Variants in HEATR5B observed in about 807,000 individuals in gnomAD.
HEATR5B encodes HEAT repeat containing 5B.
In HEATR5B, 156 loss-of-function variants were observed where a neutral mutation model predicts 224.1. The observed-to-expected ratio is 0.70, with a 90% CI of 0.61 to 0.80. The LOEUF (loss-of-function observed/expected upper bound fraction) is 0.80. Ranked by LOEUF, HEATR5B falls within the 30% of genes least tolerant of loss-of-function variation. HEATR5B has a pLI of 0.00. For missense variants in HEATR5B, 2,323 were observed against 2,535.5 expected (o/e 0.92, Z 1.80); for synonymous variants, 1,027 against 893.0 (o/e 1.15, Z -2.68).
chr2:37,044,215 A>G (rs1205772771), intron 18 of HEATR5B, among the ~76,000 whole-genome samples: 6 of 152,208 alleles, frequency 3.9e-5, no homozygotes, highest in African/African-American at 1.2e-4. Flanking sequence ...CATATTGACA[A>G]CACAAGATAT....
At chr2:37,046,494 C>A (rs926045550) in intron 18 of HEATR5B, among the ~76,000 whole-genome samples, 1 of 151,822 alleles carries the variant, frequency 6.6e-6, no homozygotes, top group South Asian at 2.1e-4. Flanking sequence ...TAAAAATTAG[C>A]CGGGCGTGGT....
intron 18 of HEATR5B, among the ~76,000 whole-genome samples, chr2:37,042,524 T>C (rs777070759): frequency 2.6e-5 from 4 of 152,250 alleles, no homozygotes; most frequent in Non-Finnish European, 4.4e-5. Context: ...AAATCACCGA[T>C]GCTTTACGAA....
intron 22 of HEATR5B, among the ~76,000 whole-genome samples, chr2:37,029,190 TAAG>T (rs1307409276): frequency 2.0e-5 from 3 of 152,182 alleles, no homozygotes; most frequent in Admixed American, 2.0e-4. Context: ...TTGATTCTAA[TAAG>T]AAAAAGTGTG....
At chr2:36,994,962 G>A (rs1273948752) in intron 33 of HEATR5B, among the ~76,000 whole-genome samples, 1 of 151,904 alleles carries the variant, frequency 6.6e-6, no homozygotes, top group Non-Finnish European at 1.5e-5. Context: ...ATGTTAGCTA[G>A]GATGGTCTCG....
intron 3 of HEATR5B, among the ~76,000 whole-genome samples, chr2:37,078,355 C>CA (rs1406019162): frequency 1.1e-4 from 16 of 152,182 alleles, no homozygotes; most frequent in African/African-American, 3.9e-4. Flanking sequence ...TGACTGGCAT[C>CA]ACATGCCGGC....
rs1665597533 is a variant in HEATR5B at position 36,981,779 on chromosome 2, G to A, written c.5927C>T (p.Ala1976Val). 3.1e-6 allele frequency: 5 copies of A among 1,609,402 alleles called. No individual in the cohort carries two copies. The African/African-American group carries it at 4.0e-5, about 13-fold the overall frequency. The change falls in exon 36 of 36, where the codon GCT becomes GTT. Residue 1976 changes from alanine to valine, a missense_variant. By Grantham distance (64) the Ala-to-Val change is moderately conservative (BLOSUM62 0). This residue lies in a region of HEATR5B where 844 missense variants were observed against 812.9 expected (regional missense o/e 1.04). Coordinates refer to ENST00000233099, the MANE Select transcript of HEATR5B (RefSeq NM_019024.3). ...GEEQNRVQLL[A>V]LLVPTLISYL... ...AGATATCAAAGTGGGAACTAAAAGA[G>A]CAAGTAGCTGGACTCCTGTAAATAA...
chr2:36,984,215 A>AATATATATATATATATATATATAT (rs60636196), intron 35 of HEATR5B, among the ~76,000 whole-genome samples: 5 of 77,566 alleles, frequency 6.4e-5, no homozygotes, highest in South Asian at 5.9e-4. Context: ...AAAAAAAAAA[A>AATATATATATATATATATATATAT]ATATATATAT....
rs184441838 is a variant in HEATR5B at position 36,983,623 on chromosome 2, G to T, written c.5912-1829C>A. 6.0e-3 allele frequency among the ~76,000 whole-genome samples: 906 copies of T among 151,912 alleles called. 6 individuals carry two copies. Among genetic ancestry groups the T allele is most frequent in the African/African-American group, 0.02 (846 of 41,470 alleles). ...CATGCCTGTAATCCCAGCTACTCTG[G>T]AGGCTGAGGCAGGAGAATCGCTTGA... On this transcript the variant is annotated intron_variant, in intron 35 of 35. Transcript: ENST00000233099.
intron 33 of HEATR5B, among the ~76,000 whole-genome samples, chr2:36,992,938 A>G (rs1666434630): frequency 2.6e-5 from 4 of 151,926 alleles, no homozygotes; most frequent in Admixed American, 2.0e-4. Context: ...ATTGCCCAGG[A>G]AAGTCCGAAC....
At chr2:37,070,884 T>C (rs1485741203) in intron 6 of HEATR5B, among the ~76,000 whole-genome samples, 2 of 152,184 alleles carry the variant, frequency 1.3e-5, no homozygotes, top group Non-Finnish European at 2.9e-5. Flanking sequence ...CTCACAAAAA[T>C]TCTGCAGAGG....
At chr2:37,005,434 T>C (rs1352197902) in intron 30 of HEATR5B, among the ~76,000 whole-genome samples, 198 bp downstream of exon 30, 1 of 152,178 alleles carries the variant, frequency 6.6e-6, no homozygotes, top group Non-Finnish European at 1.5e-5. Context: ...CTGCTTTCAC[T>C]ATCTATAACC....
Position 37,000,716 on chromosome 2 carries a change from G to A in HEATR5B, c.5415C>T (p.Val1805=), listed in dbSNP as rs1667035406. 1.2e-6 allele frequency: 2 copies of A among 1,613,948 alleles called. No homozygotes were observed. The highest frequency in any genetic ancestry group is 1.6e-4 in the Middle Eastern group (1 of 6,084). Residue 1805 remains valine (V), a synonymous_variant, in exon 33 of 36, where the codon GTC becomes GTT. Transcript: ENST00000233099. The part of the protein sequence containing the change: ...KSADNQVPPP[V]SAALQGIKSI... ...TTTTAATCCCTTGAAGAGCTGCACT[G>A]ACTGGTGGAGGAACCTGATTATCTG...
chr2:37,068,678 T>C lies in HEATR5B; in HGVS notation c.1177+3A>G, dbSNP rs1422781666. 6.2e-7 allele frequency: 1 copy of C among 1,613,950 alleles called. No homozygotes were observed. Among genetic ancestry groups the C allele is most frequent in the Admixed American group, 1.7e-5 (1 of 60,014 alleles). On this transcript the variant is annotated splice_donor_region_variant and intron_variant, in intron 8 of 35. Transcript: ENST00000233099. Reference sequence around the variant, plus strand: ...CAACACACATAATGATACTGATTCTTACCTACGGCTTTCATTTGTTTTCCA... The same window carrying C: ...CAACACACATAATGATACTGATTCTCACCTACGGCTTTCATTTGTTTTCCA...
chr2:37,030,548 T>G (rs907439938), intron 22 of HEATR5B, among the ~76,000 whole-genome samples: 2 of 152,202 alleles, frequency 1.3e-5, no homozygotes, highest in African/African-American at 4.8e-5. Flanking sequence ...AAGCACATTT[T>G]GAAAACTTCA....
intron 32 of HEATR5B, among the ~76,000 whole-genome samples, chr2:37,001,753 T>A (rs1480577625): frequency 6.6e-6 from 1 of 151,794 alleles, no homozygotes; most frequent in Admixed American, 6.6e-5. Flanking sequence ...AGCCTCTGCC[T>A]CCCGGGTTCA....
At chr2:37,004,701 C>T (rs1667302217) in intron 30 of HEATR5B, among the ~76,000 whole-genome samples, 1 of 152,110 alleles carries the variant, frequency 6.6e-6, no homozygotes, top group South Asian at 2.1e-4. Context: ...CTTGAAACTC[C>T]TCCCTTGTCT....
chr2:37,049,734 G>T lies in HEATR5B; in HGVS notation c.2615C>A (p.Ala872Glu). 6.2e-7 allele frequency: 1 copy of T among 1,613,480 alleles called. No individual in the cohort carries two copies. Among genetic ancestry groups the T allele is most frequent in the Non-Finnish European group, 8.5e-7 (1 of 1,179,906 alleles). ...DNPNPILRCA[A>E]GEALGRMAQV... ...AGCCATTCTTCCAAGAGCTTCCCCC[G>T]CTGCACAACGTAAGATGGGGTTTGG... The change falls in exon 18 of 36, where the codon GCG (alanine) becomes GAG (glutamate). Residue 872 changes from alanine to glutamate, a missense_variant. Physicochemically the swap from Ala to Glu is moderately radical, Grantham distance 107 (BLOSUM62 -1). Around this residue, in one of 12 missense-constraint regions of HEATR5B, gnomAD observed 170 missense variants for 216.7 expected, o/e 0.78. Transcript: ENST00000233099.
chr2:37,021,781 G>T (rs111805423), intron 24 of HEATR5B, among the ~76,000 whole-genome samples: 39,173 of 151,336 alleles, frequency 0.26, 5,396 homozygotes, highest in Non-Finnish European at 0.3. Context: ...CAGCTACTCA[G>T]GGGGCTGAGG....
At chr2:37,058,405 A>ATTGTGAAGAT in intron 14 of HEATR5B, 46 bp downstream of exon 14, 1 of 1,117,664 alleles carries the variant, frequency 8.9e-7, no homozygotes, top group Non-Finnish European at 1.4e-6. Context: ...ACGGTGAAGA[A>ATTGTGAAGAT]TTGTAAAGAA....
Sources: allele counts gnomAD v4.1 joint callset (sites outside exome capture counted in the v4.1 genomes callset), GRCh38; gene constraint gnomAD v4.1.1; regional missense constraint gnomAD v4.1.1; transcripts MANE v1.5; gene names NCBI Gene and HGNC (gene_info 2026-07-23, HGNC 2026-07-21).